The following WASF2 variants were observed in gnomAD, a reference collection of about 807,000 sequenced individuals.
WASF2 encodes actin-binding protein WASF2.
A neutral mutation model predicts 45.0 loss-of-function variants in WASF2; 14 were observed. That is an observed-to-expected ratio of 0.31 (90% CI 0.21 to 0.49). The LOEUF is 0.49. Among genes scored for constraint, WASF2 ranks in the 20% least tolerant of loss-of-function variants. The pLI is 0.99. For synonymous variants in WASF2, 200 were observed against 236.3 expected (o/e 0.85, Z 1.41); for missense variants, 439 against 636.1 (o/e 0.69, Z 3.33).
intron 1 of WASF2, among the ~76,000 whole-genome samples, chr1:27,487,705 AAT>A (rs35451066): frequency 8.6e-6 from 1 of 116,684 alleles, no homozygotes; most frequent in Non-Finnish European, 1.6e-5. Context: ...TATTTTATAC[AAT>A]ATATAATGTA....
At chr1:27,450,142 T>C (rs2017364931) in intron 1 of WASF2, among the ~76,000 whole-genome samples, 1 of 149,574 alleles carries the variant, frequency 6.7e-6, no homozygotes, top group Non-Finnish European at 1.5e-5. Context: ...AGACTCCGTC[T>C]CAAAAAAAGA....
intron 1 of WASF2, among the ~76,000 whole-genome samples, chr1:27,468,437 T>TA (rs139884521): frequency 0.076 from 11,554 of 151,336 alleles, 478 homozygotes; most frequent in Middle Eastern, 0.11. Flanking sequence ...GGTCAGGAGT[T>TA]AGAGACCAGC....
chr1:27,454,175 ATATATATATATATTTT>A (rs1236041447), intron 1 of WASF2, among the ~76,000 whole-genome samples: 2,140 of 33,532 alleles, frequency 0.064, 24 homozygotes, highest in East Asian at 0.078. Context: ...ATATATATAT[ATATATATATATATTTT>A]TTTTTTTTTT....
intron 1 of WASF2, among the ~76,000 whole-genome samples, chr1:27,437,958 T>C (rs2017159024): frequency 2.0e-5 from 3 of 152,208 alleles, no homozygotes; most frequent in Admixed American, 6.5e-5. Context: ...ACTAGAAATA[T>C]GTCAATAACT....
At chr1:27,445,373 T>C (rs1469258077) in intron 1 of WASF2, among the ~76,000 whole-genome samples, 1 of 152,188 alleles carries the variant, frequency 6.6e-6, no homozygotes, top group African/African-American at 2.4e-5. Context: ...AAACTTCATG[T>C]TCTTTCCATG....
At chr1:27,429,146 A>C (rs887684175) in intron 1 of WASF2, among the ~76,000 whole-genome samples, 2 of 36,482 alleles carry the variant, frequency 5.5e-5, no homozygotes, top group African/African-American at 8.9e-5. Flanking sequence ...TCTGCTATGT[A>C]AGTTTAGAAA....
At chr1:27,478,275 CAA>C (rs765416697) in intron 1 of WASF2, among the ~76,000 whole-genome samples, 54 of 49,902 alleles carry the variant, frequency 1.1e-3, no homozygotes, top group Admixed American at 1.5e-3. Flanking sequence ...AATAGCAAAG[CAA>C]AAAAAAAAAA....
Position 27,456,976 on chromosome 1 carries a change from A to G in WASF2, c.-43-28043T>C, listed in dbSNP as rs191918803. Among the ~76,000 whole-genome samples, 8 of 152,108 alleles carry G rather than the reference A, an allele frequency of 5.3e-5. No homozygotes were observed. In the East Asian group the frequency reaches 1.6e-3, roughly 29 times the overall value. On this transcript the variant is annotated intron_variant, in intron 1 of 8. Transcript: ENST00000618852. ...AGGCTGGTCTCAAACTCCTGACCTC[A>G]GGTGATCTGCCCGTCTCGGCCCCCC... is the stretch of plus-strand genomic sequence containing the variant.
At chr1:27,489,634 C>A (rs923414128) in intron 1 of WASF2, among the ~76,000 whole-genome samples, 28 of 152,200 alleles carry the variant, frequency 1.8e-4, no homozygotes. Flanking sequence ...CATCTGCCGA[C>A]GAAACCCTCG....
At chr1:27,408,702 CTAGAT>C in intron 8 of WASF2, among the ~76,000 whole-genome samples, 1 of 152,094 alleles carries the variant, frequency 6.6e-6, no homozygotes, top group South Asian at 2.1e-4. Flanking sequence ...ACTGTCCTCT[CTAGAT>C]TAGAAGTTTT....
At chr1:27,477,062 G>A (rs528671159) in intron 1 of WASF2, among the ~76,000 whole-genome samples, 1 of 152,222 alleles carries the variant, frequency 6.6e-6, no homozygotes, top group African/African-American at 2.4e-5. Flanking sequence ...CATTATGAAA[G>A]CTTTGGAAAC....
intron 8 of WASF2, among the ~76,000 whole-genome samples, chr1:27,408,838 G>A: frequency 6.6e-6 from 1 of 151,882 alleles, no homozygotes; most frequent in African/African-American, 2.4e-5. Context: ...AAGGGGAGGG[G>A]AGGGAAGAGG....
At chr1:27,487,612 TTA>T (rs1260509721) in intron 1 of WASF2, among the ~76,000 whole-genome samples, 39 of 98,558 alleles carry the variant, frequency 4.0e-4, no homozygotes, top group East Asian at 5.1e-4. Flanking sequence ...ATAATATATA[TTA>T]TATATATTTT....
At chr1:27,441,879 T>C (rs183991382) in intron 1 of WASF2, among the ~76,000 whole-genome samples, 1 of 150,546 alleles carries the variant, frequency 6.6e-6, no homozygotes, top group Admixed American at 6.6e-5. Flanking sequence ...TGAGCCAAGA[T>C]TGTGCCACTG....
chr1:27,408,244 T>C lies in WASF2; in HGVS notation c.1442A>G (p.Tyr481Cys), dbSNP rs144055836. The C allele has an allele frequency of 6.2e-7, 1 of 1,614,226 alleles. No homozygotes were observed. The highest frequency in any genetic ancestry group is 8.5e-7 in the Non-Finnish European group (1 of 1,180,044). Residue 481 changes from tyrosine (Y) to cysteine (C), a missense_variant, in exon 9 of 9, where the codon TAC becomes TGC. Physicochemically the swap from Tyr to Cys is radical, Grantham distance 194. Around this residue, in one of 5 missense-constraint regions of WASF2, gnomAD observed 286 missense variants for 373.5 expected, o/e 0.77. Coordinates refer to ENST00000618852, the MANE Select transcript of WASF2 (RefSeq NM_006990.5). Reference protein sequence around the residue: ...TILSRRIAVEYSDSEDDSSEF... With the variant: ...TILSRRIAVECSDSEDDSSEF... Reference sequence around the variant, plus strand: ...AGAGGAGTCATCTTCTGAGTCACTGTACTCAACAGCAATGCGACGAGACAA... The same window carrying C: ...AGAGGAGTCATCTTCTGAGTCACTGCACTCAACAGCAATGCGACGAGACAA...
chr1:27,453,012 C>T (rs2017406377), intron 1 of WASF2, among the ~76,000 whole-genome samples: 1 of 149,592 alleles, frequency 6.7e-6, no homozygotes, highest in South Asian at 2.1e-4. Context: ...TTGAGACCAG[C>T]CTGGTCAACA....
At chr1:27,474,270 GT>G (rs199692295) in intron 1 of WASF2, among the ~76,000 whole-genome samples, 187 of 143,582 alleles carry the variant, frequency 1.3e-3, no homozygotes, top group African/African-American at 4.7e-3. Flanking sequence ...TCATTAAAAA[GT>G]TTTTTTTTTA....
intron 1 of WASF2, among the ~76,000 whole-genome samples, chr1:27,474,598 C>T (rs1484793987): frequency 2.0e-5 from 3 of 151,688 alleles, no homozygotes; most frequent in Non-Finnish European, 2.9e-5. Context: ...GATGAAACCC[C>T]GCCTCTACTA....
chr1:27,461,641 A>T (rs77608177), intron 1 of WASF2, among the ~76,000 whole-genome samples: 11,672 of 149,624 alleles, frequency 0.078, 476 homozygotes, highest in Middle Eastern at 0.11. Flanking sequence ...TTTTTTTTTT[A>T]AATTTCTTAT....
Sources: gnomAD v4.1 joint callset for allele counts (sites outside exome capture counted in the v4.1 genomes callset) on GRCh38, gnomAD v4.1.1 for gene constraint, gnomAD v4.1.1 regional missense constraint, MANE v1.5 for transcripts, NCBI Gene and HGNC (gene_info 2026-07-23, HGNC 2026-07-21) for gene names.